Variants in PKIA observed in about 807,000 individuals in gnomAD.
PKIA encodes PKI-alpha.
PKIA carries 4 observed loss-of-function variants against 7.6 expected under a neutral mutation model. The ratio of observed to expected loss-of-function variants is 0.52; its 90% CI spans 0.26 to 1.20. PKIA has a LOEUF of 1.20. PKIA is among the 50% of genes most tolerant of loss of function. The pLI, the probability that PKIA is intolerant of heterozygous loss-of-function variation, is 0.13. For synonymous variants in PKIA, 21 were observed against 30.7 expected (o/e 0.68, Z 1.04); for missense variants, 73 against 86.2 (o/e 0.85, Z 0.61).
At chr8:78,584,458 A>G (rs1333647438) in intron 2 of PKIA, among the ~76,000 whole-genome samples, 4 of 152,098 alleles carry the variant, frequency 2.6e-5, no homozygotes. Context: ...GTGTTTATAG[A>G]GTCTTTGGTT....
chr8:78,563,019 G>A (rs1263244701), intron 1 of PKIA, among the ~76,000 whole-genome samples: 4 of 151,918 alleles, frequency 2.6e-5, no homozygotes, highest in Admixed American at 6.6e-5. Flanking sequence ...ATCATACATC[G>A]TTACTAACAT....
At chr8:78,525,313 T>G (rs556934203) in intron 1 of PKIA, among the ~76,000 whole-genome samples, 1 of 152,076 alleles carries the variant, frequency 6.6e-6, no homozygotes, top group South Asian at 2.1e-4. Context: ...ATCTCATTGA[T>G]TGTAAAGAAC....
intron 1 of PKIA, among the ~76,000 whole-genome samples, chr8:78,522,079 T>G (rs1809426713): frequency 6.6e-6 from 1 of 151,994 alleles, no homozygotes. Flanking sequence ...CTTTTAAGGC[T>G]GAATACTATT....
intron 1 of PKIA, among the ~76,000 whole-genome samples, chr8:78,557,838 G>C (rs1255859017): frequency 7.0e-6 from 1 of 143,532 alleles, no homozygotes; most frequent in Non-Finnish European, 1.5e-5. Flanking sequence ...GTACAATGTT[G>C]CTTGTCCTTC....
rs374983931 is a variant in PKIA at position 78,566,707 on chromosome 8, A to G, written c.-156-6104A>G. Among the ~76,000 whole-genome samples the G allele has an allele frequency of 4.6e-5, 7 of 152,136 alleles. No homozygotes were observed. In the East Asian group the frequency reaches 7.7e-4, roughly 17 times the overall value. On this transcript the variant is annotated intron_variant, in intron 1 of 3. Transcript: ENST00000396418. The stretch of plus-strand genomic sequence containing the variant: ...ATACATCATTCTGAAAACATAAAAT[A>G]CTTTAGCTAAAGTTATTACAGCATC...
intron 2 of PKIA, among the ~76,000 whole-genome samples, chr8:78,581,868 T>A (rs536934998): frequency 1.3e-5 from 2 of 152,218 alleles, no homozygotes; most frequent in Admixed American, 6.5e-5. Flanking sequence ...TCAGATTTTC[T>A]TGTTAATATT....
chr8:78,528,868 AT>A (rs1327533943), intron 1 of PKIA, among the ~76,000 whole-genome samples: 3 of 151,854 alleles, frequency 2.0e-5, no homozygotes, highest in Non-Finnish European at 4.4e-5. Flanking sequence ...TAGTGTTTTC[AT>A]TTTTATTAAG....
chr8:78,576,738 A>G (rs1166704809), intron 2 of PKIA, among the ~76,000 whole-genome samples: 2 of 152,012 alleles, frequency 1.3e-5, no homozygotes. Context: ...TTTGTCTTTG[A>G]CAGTGGCATA....
In PKIA at chr8:78,601,774, G is replaced by A. The variant is rs746031467; in HGVS notation, c.184G>A (p.Glu62Lys). 2 of 1,612,280 alleles carry A rather than the reference G, an allele frequency of 1.2e-6. No individual in the cohort carries two copies. Among genetic ancestry groups the A allele is most frequent in the African/African-American group, 2.7e-5 (2 of 74,790 alleles). The change falls in exon 4 of 4, where the codon GAA becomes AAA. Residue 62 changes from glutamate (E) to lysine (K), a missense_variant. Transcript: ENST00000396418. ...AGAAGATGCACAACGAAGTTCTACA[G>A]AACAAAGTGGGGAAGCCCAGGGAGA... is the stretch of plus-strand genomic sequence containing the variant. Reference protein sequence around the residue: ...GEEDAQRSSTEQSGEAQGEAA... With the variant: ...GEEDAQRSSTKQSGEAQGEAA...
chr8:78,541,942 G>A (rs1020402857), intron 1 of PKIA, among the ~76,000 whole-genome samples: 14 of 151,966 alleles, frequency 9.2e-5, no homozygotes, highest in African/African-American at 3.4e-4. Context: ...GACCAAGGTG[G>A]GTGGATTACT....
Position 78,602,022 on chromosome 8 carries a change from G to T in PKIA, c.*201G>T. The T allele has an allele frequency of 1.8e-6, 1 of 566,120 alleles. No homozygotes were observed. 35.1% of individuals were successfully genotyped at this position (566,120 alleles called of 1,614,324 possible). Reference sequence around the variant, plus strand: ...TTTCCCTACCTCTGTCATTAGCAATGGTTGAAATCATGTGGCTTGTGTTTG... The same window carrying T: ...TTTCCCTACCTCTGTCATTAGCAATTGTTGAAATCATGTGGCTTGTGTTTG... On this transcript the variant is annotated 3_prime_UTR_variant, in exon 4 of 4. Coordinates refer to ENST00000396418, the MANE Select transcript of PKIA (RefSeq NM_006823.4).
chr8:78,544,743 A>T (rs1482049224), intron 1 of PKIA, among the ~76,000 whole-genome samples: 1 of 152,228 alleles, frequency 6.6e-6, no homozygotes, highest in South Asian at 2.1e-4. Flanking sequence ...CAGAGAGTAC[A>T]GACTAATGTA....
At chr8:78,556,904 C>T (rs2118496443) in intron 1 of PKIA, among the ~76,000 whole-genome samples, 1 of 152,202 alleles carries the variant, frequency 6.6e-6, no homozygotes, top group East Asian at 1.9e-4. Flanking sequence ...AGATTTGCCA[C>T]TCTTTGCTTT....
chr8:78,592,445 T>A (rs1808124089), intron 2 of PKIA, among the ~76,000 whole-genome samples: 2 of 152,176 alleles, frequency 1.3e-5, no homozygotes, highest in African/African-American at 4.8e-5. Flanking sequence ...AGTTTCTATG[T>A]TACTTTAAAG....
chr8:78,583,780 A>G (rs1019888546), intron 2 of PKIA, among the ~76,000 whole-genome samples: 1 of 151,890 alleles, frequency 6.6e-6, no homozygotes, highest in Non-Finnish European at 1.5e-5. Flanking sequence ...ACCTTCCTTA[A>G]CCCATTTATG....
intron 1 of PKIA, among the ~76,000 whole-genome samples, chr8:78,554,614 T>C (rs201142056): frequency 6.6e-6 from 1 of 151,872 alleles, no homozygotes; most frequent in Non-Finnish European, 1.5e-5. Context: ...AAAAGTAAGC[T>C]GCTGAGGATT....
chr8:78,587,044 G>A (rs190724325), intron 2 of PKIA, among the ~76,000 whole-genome samples: 1 of 152,122 alleles, frequency 6.6e-6, no homozygotes, highest in East Asian at 1.9e-4. Context: ...ATTATATCTT[G>A]GAACAGACCA....
At chr8:78,520,750 T>C (rs1407178966) in intron 1 of PKIA, among the ~76,000 whole-genome samples, 1 of 152,172 alleles carries the variant, frequency 6.6e-6, no homozygotes, top group African/African-American at 2.4e-5. Context: ...CCCAAGTACA[T>C]ACAGAAGCAT....
At position 78,523,543 on chromosome 8, in the gene PKIA, A is replaced by G. The variant is rs146687961; in HGVS notation, c.-157+7075A>G. On this transcript the variant is annotated intron_variant, in intron 1 of 3. Transcript: ENST00000396418. ...ACATTCCTCACTTATATACTGCAGAATCTGACCAAATAAACACAGAAAAGT... is the reference window on the plus strand; with the variant it reads ...ACATTCCTCACTTATATACTGCAGAGTCTGACCAAATAAACACAGAAAAGT... 3.9e-3 allele frequency among the ~76,000 whole-genome samples: 600 copies of G among 152,038 alleles called. 2 individuals carry two copies. Among genetic ancestry groups the G allele is most frequent in the African/African-American group, 0.014 (576 of 41,532 alleles).
Sources: allele counts gnomAD v4.1 joint callset (sites outside exome capture counted in the v4.1 genomes callset), GRCh38; gene constraint gnomAD v4.1.1; transcripts MANE v1.5; gene names NCBI Gene and HGNC (gene_info 2026-07-23, HGNC 2026-07-21).